The following RAG2 variants were observed in gnomAD, a reference collection of about 807,000 sequenced individuals.
RAG2 encodes the protein V(D)J recombination-activating protein 2.
RAG2 carries 16 observed loss-of-function variants against 31.8 expected under a neutral mutation model. The ratio of observed to expected loss-of-function variants is 0.50; its 90% CI spans 0.34 to 0.76. The LOEUF is 0.76. Among genes scored for constraint, RAG2 ranks in the 30% least tolerant of loss-of-function variants. The pLI, the probability that RAG2 is intolerant of heterozygous loss-of-function variation, is 0.01. For synonymous variants in RAG2, 199 were observed against 215.9 expected, an observed-to-expected ratio of 0.92 and a Z score of 0.68; for missense variants, 622 against 628.5, an observed-to-expected ratio of 0.99 and a Z score of 0.11.
rs367615315 is a variant in RAG2 at position 36,593,144 on chromosome 11, C to T, written c.1025G>A (p.Gly342Glu). 1.1e-5 allele frequency: 17 copies of T among 1,614,102 alleles called. No individual in the cohort carries two copies. The African/African-American group carries it at 1.7e-4, about 16-fold the overall frequency. Residue 342 changes from glycine to glutamate, a missense_variant, in exon 2 of 2, where the codon GGA (glycine) becomes GAA (glutamate). Coordinates refer to ENST00000311485, the MANE Select transcript of RAG2 (RefSeq NM_000536.4). ...ACATTTCAACATATAGAAATAGAAT[C>T]CTTCTGAAACAACTTGTTTATTGTC... ...PGDNKQVVSE[G>E]FYFYMLKCAE...
chr11:36,591,684 A>G (rs1851023511), downstream of RAG2, among the ~76,000 whole-genome samples: 2 of 151,950 alleles, frequency 1.3e-5, no homozygotes, highest in Admixed American at 1.3e-4. Flanking sequence ...ATGTCATGAA[A>G]TTCTTTAAAC....
chr11:36,593,377 A>G lies in RAG2; in HGVS notation c.792T>C (p.Thr264=). ...TAACAAATTCATCATTGTTAGTTTG[A>G]GTCAGGATTGCACTGGAGACAGAGA... ...GGISVSSAIL[T]QTNNDEFVIV... Residue 264 remains threonine, a synonymous_variant, in exon 2 of 2, where the codon ACT becomes ACC. Coordinates refer to ENST00000311485, the MANE Select transcript of RAG2 (RefSeq NM_000536.4). 6.2e-7 allele frequency: 1 copy of G among 1,614,132 alleles called. No individual in the cohort carries two copies.
chr11:36,593,662 T>C lies in RAG2; in HGVS notation c.507A>G (p.Thr169=). Residue 169 remains threonine, a synonymous_variant, in exon 2 of 2, where the codon ACA becomes ACG. Coordinates refer to ENST00000311485, the MANE Select transcript of RAG2 (RefSeq NM_000536.4). ...AGTCAGCTACACTATTCCATTTTTC[T>C]GTGGTTCTGTGGGTAGAAGGCATGT... ...RSYMPSTHRT[T]EKWNSVADCL... is the part of the protein sequence containing the mutation. 1 of 1,614,218 alleles carries C rather than the reference T, an allele frequency of 6.2e-7. No homozygotes were observed. The highest frequency in any genetic ancestry group is 2.2e-5 in the East Asian group (1 of 44,886).
rs1190732278 is a variant in RAG2 at position 36,591,988 on chromosome 11, TATC to T, written c.*594_*596del. 1 of 152,276 alleles carries T rather than the reference TATC, an allele frequency of 6.6e-6. No homozygotes were observed. The highest frequency in any genetic ancestry group is 2.4e-5 in the African/African-American group (1 of 41,450). 9.4% of individuals were successfully genotyped at this position (152,276 alleles called of 1,614,324 possible). ...CTTCTTTTGTGTCAGTGGAGAACAT[TATC>T]TATCTATATGTATACATATATTTAT... On this transcript the variant is annotated 3_prime_UTR_variant, in exon 2 of 2. Coordinates refer to ENST00000311485, the MANE Select transcript of RAG2 (RefSeq NM_000536.4).
rs769370947 is a variant in RAG2, at chr11:36,593,335, C to G, written c.834G>C (p.Gln278His). 3.7e-6 allele frequency: 6 copies of G among 1,614,076 alleles called. No individual in the cohort carries two copies. The South Asian group carries it at 5.5e-5, about 15-fold the overall frequency. Residue 278 changes from glutamine (Q) to histidine (H), a missense_variant, in exon 2 of 2, where the codon CAG becomes CAC. By Grantham distance (24) the Gln-to-His change is conservative (BLOSUM62 0). Transcript: ENST00000311485. Reference protein sequence around the residue: ...NDEFVIVGGYQLENQKRMICN... With the variant: ...NDEFVIVGGYHLENQKRMICN... ...AGATCATTCTTTTTTGATTTTCAAG[C>G]TGATAGCCACCAACAATAACAAATT...
chr11:36,593,710 A>G lies in RAG2; in HGVS notation c.459T>C (p.Gly153=), dbSNP rs1406563782. The change falls in exon 2 of 2, where the codon GGT becomes GGC. Residue 153 remains glycine (G), a synonymous_variant. Coordinates refer to ENST00000311485, the MANE Select transcript of RAG2 (RefSeq NM_000536.4). ...NVVYSRGKSM[G]VLFGGRSYMP... ...TGTATGAGCGTCCTCCAAAGAGAACACCCATACTTTTCCCTCGGCTGTACA... is the reference window on the plus strand; with the variant it reads ...TGTATGAGCGTCCTCCAAAGAGAACGCCCATACTTTTCCCTCGGCTGTACA... 1 of 1,614,054 alleles carries G rather than the reference A, an allele frequency of 6.2e-7. No homozygotes were observed. Among genetic ancestry groups the G allele is most frequent in the Non-Finnish European group, 8.5e-7 (1 of 1,179,968 alleles).
At chr11:36,596,732 C>G (rs913828736) in intron 1 of RAG2, among the ~76,000 whole-genome samples, 1 of 152,160 alleles carries the variant, frequency 6.6e-6, no homozygotes, top group African/African-American at 2.4e-5. Context: ...GCAAGCCATA[C>G]AGTGGTAATG....
Position 36,592,472 on chromosome 11 carries a change from A to G in RAG2, c.*113T>C. The G allele has an allele frequency of 2.8e-5, 38 of 1,362,488 alleles. No homozygotes were observed. The highest frequency in any genetic ancestry group is 3.8e-5 in the Non-Finnish European group (38 of 1,007,592). The allele number at this position is 1,362,488 out of a possible 1,614,324, so 84.4% of individuals were successfully genotyped here. ...TCTGGCCCTTAATTCATGTAACTAAAAGAAAACATAGGCATTTTAAATAAA... is the reference window on the plus strand; with the variant it reads ...TCTGGCCCTTAATTCATGTAACTAAGAGAAAACATAGGCATTTTAAATAAA... On this transcript the variant is annotated 3_prime_UTR_variant, in exon 2 of 2. Coordinates refer to ENST00000311485, the MANE Select transcript of RAG2 (RefSeq NM_000536.4).
In RAG2 at chr11:36,592,630, G is replaced by T; in HGVS notation, c.1539C>A (p.Ile513=). The T allele has an allele frequency of 6.2e-7, 1 of 1,614,164 alleles. No individual in the cohort carries two copies. Among genetic ancestry groups the T allele is most frequent in the Non-Finnish European group, 8.5e-7 (1 of 1,180,008 alleles). The change falls in exon 2 of 2, where the codon ATC becomes ATA. Residue 513 remains isoleucine, a synonymous_variant. Coordinates refer to ENST00000311485, the MANE Select transcript of RAG2 (RefSeq NM_000536.4). ...GAAAGGATTTCTTGGCAGGAGTCAA[G>T]ATTTTTCCAGAACCTTTTTTACGGA... ...KSLRKKGSGK[I]LTPAKKSFLR...
At chr11:36,591,598 T>C (rs1476963965), downstream of RAG2, among the ~76,000 whole-genome samples, 2 of 149,014 alleles carry the variant, frequency 1.3e-5, no homozygotes, top group Non-Finnish European at 3.0e-5. Context: ...ACATGTTAAC[T>C]ACACACACAC....
rs2133314621 is a variant in RAG2, at chr11:36,593,693, C to T, written c.476G>A (p.Arg159His). Residue 159 changes from arginine (R) to histidine (H), a missense_variant, in exon 2 of 2, where the codon CGC becomes CAC. Arg to His is a conservative substitution (Grantham distance 29, BLOSUM62 0). Coordinates refer to ENST00000311485, the MANE Select transcript of RAG2 (RefSeq NM_000536.4). ...TCTGTGGGTAGAAGGCATGTATGAGCGTCCTCCAAAGAGAACACCCATACT... is the reference window on the plus strand; with the variant it reads ...TCTGTGGGTAGAAGGCATGTATGAGTGTCCTCCAAAGAGAACACCCATACT... ...GKSMGVLFGG[R>H]SYMPSTHRTT... 1 of 1,614,044 alleles carries T rather than the reference C, an allele frequency of 6.2e-7. No homozygotes were observed. Among genetic ancestry groups the T allele is most frequent in the Non-Finnish European group, 8.5e-7 (1 of 1,179,932 alleles).
chr11:36,593,540 A>AT lies in RAG2; in HGVS notation c.628dup (p.Ile210AsnfsTer5). On this transcript the variant is annotated frameshift_variant, in exon 2 of 2. Transcript: ENST00000311485. LOFTEE classifies it high-confidence loss of function. ...AATATAGATGGTGTCATTTTTGGCAATAGAGACATGAAAAGATAGCCCATC... is the reference window on the plus strand; with the variant it reads ...AATATAGATGGTGTCATTTTTGGCAATTAGAGACATGAAAAGATAGCCCATC... 1 of 1,614,174 alleles carries AT rather than the reference A, an allele frequency of 6.2e-7. No individual in the cohort carries two copies. The highest frequency in any genetic ancestry group is 8.5e-7 in the Non-Finnish European group (1 of 1,180,032).
At chr11:36,598,061 C>T (rs1410536957) in intron 1 of RAG2, 41 bp downstream of exon 1, 1 of 151,952 alleles carries the variant, frequency 6.6e-6, no homozygotes, top group Non-Finnish European at 1.5e-5. Flanking sequence ...ACATAGGCTC[C>T]CATTTTTTAG....
chr11:36,592,216 A>G lies in RAG2; in HGVS notation c.*369T>C. On this transcript the variant is annotated 3_prime_UTR_variant, in exon 2 of 2. Coordinates refer to ENST00000311485, the MANE Select transcript of RAG2 (RefSeq NM_000536.4). ...GGGTGTTAATTTCTTTATTGGCTAAATTTGTCATAAACACTTTATAGGTTA... is the reference window on the plus strand; with the variant it reads ...GGGTGTTAATTTCTTTATTGGCTAAGTTTGTCATAAACACTTTATAGGTTA... 4.5e-6 allele frequency: 1 copy of G among 220,250 alleles called. No individual in the cohort carries two copies. Among genetic ancestry groups the G allele is most frequent in the Non-Finnish European group, 9.1e-6 (1 of 109,778 alleles). The allele number at this position is 220,250 out of a possible 1,614,324, so 13.6% of individuals were successfully genotyped here. A position where few individuals can be genotyped will look rare whatever the true frequency, so the allele number is the denominator to read the frequency against.
chr11:36,591,195 G>A (rs1259789367), downstream of RAG2, among the ~76,000 whole-genome samples: 1 of 152,298 alleles, frequency 6.6e-6, no homozygotes, highest in African/African-American at 2.4e-5. Context: ...GAAACAGAGT[G>A]AATATGATTC....
In RAG2 at chr11:36,592,402, G is replaced by C; in HGVS notation, c.*183C>G. 2.8e-6 allele frequency: 2 copies of C among 723,638 alleles called. No homozygotes were observed. Among genetic ancestry groups the C allele is most frequent in the Non-Finnish European group, 4.4e-6 (2 of 454,828 alleles). The allele number at this position is 723,638 out of a possible 1,614,324, so 44.8% of individuals were successfully genotyped here. The stretch of plus-strand genomic sequence containing the variant: ...GGGTAAAATATTTTCAAAATGTATA[G>C]GGTCTAGAATGACTTTATTTATCAT... On this transcript the variant is annotated 3_prime_UTR_variant, in exon 2 of 2. Transcript: ENST00000311485.
At position 36,593,620 on chromosome 11, in the gene RAG2, G is replaced by A. The variant is rs768461432; in HGVS notation, c.549C>T (p.Phe183=). The A allele has an allele frequency of 1.2e-6, 2 of 1,614,138 alleles. No individual in the cohort carries two copies. Among genetic ancestry groups the A allele is most frequent in the South Asian group, 2.2e-5 (2 of 91,082 alleles). ...NSVADCLPCV[F]LVDFEFGCAT... ...CACACCCAAATTCAAAATCCACCAG[G>A]AAAACACAGGGCAGGCAGTCAGCTA... Residue 183 remains phenylalanine (F), a synonymous_variant, in exon 2 of 2, where the codon TTC becomes TTT. Transcript: ENST00000311485.
In RAG2 at chr11:36,598,200, T is replaced by C. The variant is rs1851358504; in HGVS notation, c.-126A>G. On this transcript the variant is annotated 5_prime_UTR_variant, in exon 1 of 2. Transcript: ENST00000311485. Reference sequence around the variant, plus strand: ...GGGAAGATTCACTGACTGCCCACTATGACTGTGGCAAGCAGAAGGCTGACT... The same window carrying C: ...GGGAAGATTCACTGACTGCCCACTACGACTGTGGCAAGCAGAAGGCTGACT... 1 of 152,064 alleles carries C rather than the reference T, an allele frequency of 6.6e-6. No homozygotes were observed. The highest frequency in any genetic ancestry group is 1.5e-5 in the Non-Finnish European group (1 of 68,022). The allele number at this position is 152,064 out of a possible 1,614,324, so 9.4% of individuals were successfully genotyped here.
intron 1 of RAG2, among the ~76,000 whole-genome samples, chr11:36,597,332 T>C (rs1165277961): frequency 2.6e-5 from 4 of 152,216 alleles, no homozygotes; most frequent in Non-Finnish European, 5.9e-5. Flanking sequence ...ATACTATATC[T>C]AAAATAACCT....
Sources: allele counts gnomAD v4.1 joint callset (sites outside exome capture counted in the v4.1 genomes callset), GRCh38; gene constraint gnomAD v4.1.1; transcripts MANE v1.5; gene names NCBI Gene and HGNC (gene_info 2026-07-23, HGNC 2026-07-21).